Variants in MDFIC observed in about 807,000 individuals in gnomAD.
MDFIC encodes the protein MyoD family inhibitor domain containing.
In MDFIC, 17 loss-of-function variants were observed where a neutral mutation model predicts 23.2. That is an observed-to-expected ratio of 0.73 (90% confidence interval 0.50 to 1.10). The LOEUF is 1.10. Ranked by LOEUF, MDFIC falls within the 50% of genes least tolerant of loss-of-function variation. The pLI is 0.00. For missense variants in MDFIC, 356 were observed against 316.6 expected (o/e 1.12, Z -0.95); for synonymous variants, 120 against 115.2 (o/e 1.04, Z -0.27).
At chr7:114,998,105 A>G (rs181067532) in intron 4 of MDFIC, among the ~76,000 whole-genome samples, 1 of 152,238 alleles carries the variant, frequency 6.6e-6, no homozygotes, top group African/African-American at 2.4e-5. Context: ...TAATAGCACT[A>G]GACACTGCAT....
chr7:114,992,999 T>C (rs11772009), intron 4 of MDFIC, among the ~76,000 whole-genome samples: 12,025 of 152,246 alleles, frequency 0.079, 565 homozygotes, highest in South Asian at 0.15. Context: ...TTTTGGCTGG[T>C]AGGCTATTAA....
intron 4 of MDFIC, among the ~76,000 whole-genome samples, chr7:114,997,614 G>A (rs1197222253): frequency 1.3e-5 from 2 of 151,244 alleles, no homozygotes; most frequent in African/African-American, 2.4e-5. Context: ...GTGGTGCTGC[G>A]TGCCTGTGGT....
At chr7:114,972,348 G>A (rs1793221214) in intron 3 of MDFIC, among the ~76,000 whole-genome samples, 1 of 152,036 alleles carries the variant, frequency 6.6e-6, no homozygotes, top group African/African-American at 2.4e-5. Flanking sequence ...GATTGCCGGG[G>A]ACCGACCTGG....
intron 3 of MDFIC, among the ~76,000 whole-genome samples, chr7:114,976,096 A>C (rs1323712078): frequency 6.6e-6 from 1 of 152,158 alleles, no homozygotes; most frequent in Non-Finnish European, 1.5e-5. Flanking sequence ...GATAGCAGAA[A>C]AAGGTCAAAT....
intron 2 of MDFIC, chr7:114,933,792 T>C (rs1427723525): frequency 6.6e-6 from 1 of 152,240 alleles, no homozygotes; most frequent in African/African-American, 2.4e-5. Flanking sequence ...CTTTCTAATA[T>C]GGCACTGTCA....
At chr7:114,998,778 G>A (rs1585119466) in intron 4 of MDFIC, among the ~76,000 whole-genome samples, 1 of 152,130 alleles carries the variant, frequency 6.6e-6, no homozygotes, top group South Asian at 2.1e-4. Context: ...TGGCTGAATT[G>A]ACACCAAAAT....
chr7:115,010,606 G>A (rs780080376), intron 4 of MDFIC, among the ~76,000 whole-genome samples: 8 of 152,078 alleles, frequency 5.3e-5, no homozygotes, highest in Admixed American at 2.0e-4. Flanking sequence ...GGCTTCTCTA[G>A]ATGCCTGTTA....
Position 115,003,584 on chromosome 7 carries a change from A to G in MDFIC, c.494-12104A>G, listed in dbSNP as rs73447408. ...TGTCTGACCCCACTGGCACTATATTATCACTGCATGTCGTTCCTGCTTCCT... is the reference window on the plus strand; with the variant it reads ...TGTCTGACCCCACTGGCACTATATTGTCACTGCATGTCGTTCCTGCTTCCT... On this transcript the variant is annotated intron_variant, in intron 4 of 4. Transcript: ENST00000393486. Among the ~76,000 whole-genome samples the G allele has an allele frequency of 6.7e-3, 1,016 of 152,190 alleles. 13 individuals carry two copies. Among genetic ancestry groups the G allele is most frequent in the African/African-American group, 0.022 (931 of 41,522 alleles).
chr7:114,964,540 C>A (rs184464402), intron 3 of MDFIC, among the ~76,000 whole-genome samples: 2 of 149,954 alleles, frequency 1.3e-5, no homozygotes, highest in African/African-American at 2.5e-5. Context: ...CCTTCCCTTC[C>A]CTTCCCTTCC....
chr7:115,014,081 G>T, intron 4 of MDFIC: 7 of 985,376 alleles, frequency 7.1e-6, no homozygotes, highest in Non-Finnish European at 8.4e-6. Context: ...TCCCTTTTGA[G>T]TACTCTCTGA....
chr7:114,998,980 T>C (rs1791403251), intron 4 of MDFIC, among the ~76,000 whole-genome samples: 1 of 152,202 alleles, frequency 6.6e-6, no homozygotes, highest in African/African-American at 2.4e-5. Flanking sequence ...TTTGGTTATC[T>C]CATTTTGGTT....
intron 2 of MDFIC, among the ~76,000 whole-genome samples, chr7:114,935,894 C>G (rs1792415398): frequency 6.6e-6 from 1 of 152,106 alleles, no homozygotes. Flanking sequence ...TGAAAGGATA[C>G]TGCCCTCACC....
At chr7:114,926,792 T>G (rs1270657939) in intron 2 of MDFIC, among the ~76,000 whole-genome samples, 1 of 152,192 alleles carries the variant, frequency 6.6e-6, no homozygotes, top group Non-Finnish European at 1.5e-5. Flanking sequence ...GCTAATCAGA[T>G]TTTCTTTTTG....
intron 3 of MDFIC, among the ~76,000 whole-genome samples, chr7:114,965,099 G>A (rs1793071569): frequency 6.6e-6 from 1 of 152,192 alleles, no homozygotes; most frequent in Non-Finnish European, 1.5e-5. Flanking sequence ...AAGGCAGATA[G>A]TAGATGACAT....
intron 4 of MDFIC, among the ~76,000 whole-genome samples, chr7:115,007,628 G>GTATA (rs1237300160): frequency 1.2e-3 from 47 of 39,946 alleles, no homozygotes; most frequent in African/African-American, 2.7e-3. Flanking sequence ...GTGCGTGTGT[G>GTATA]TGTATATATA....
intron 4 of MDFIC, among the ~76,000 whole-genome samples, chr7:114,993,330 G>GT (rs915526105): frequency 1.0e-3 from 158 of 152,228 alleles, no homozygotes; most frequent in African/African-American, 3.7e-3. Context: ...TTTTTGAAGA[G>GT]TTTTTTGTGT....
At position 115,015,885 on chromosome 7, in the gene MDFIC, G is replaced by C. The variant is rs758007612; in HGVS notation, c.691G>C (p.Asp231His). ...GIMDACCESS[D>H]CLEICMECCG... is the part of the protein sequence containing the mutation. ...CATGGATGCCTGTTGTGAATCATCA[G>C]ACTGCTTGGAAATCTGTATGGAATG... The change falls in exon 5 of 5, where the codon GAC (aspartate) becomes CAC (histidine). Residue 231 changes from aspartate (D) to histidine (H), a missense_variant. Transcript: ENST00000393486. The C allele has an allele frequency of 4.3e-6, 7 of 1,614,040 alleles. No individual in the cohort carries two copies. In the Admixed American group the frequency reaches 1.2e-4, roughly 27 times the overall value.
At chr7:114,999,002 G>A (rs1365586109) in intron 4 of MDFIC, among the ~76,000 whole-genome samples, 1 of 152,032 alleles carries the variant, frequency 6.6e-6, no homozygotes, top group Non-Finnish European at 1.5e-5. Flanking sequence ...TTACTCCAAA[G>A]TACACCTTCC....
At chr7:115,009,134 G>A (rs142285654) in intron 4 of MDFIC, among the ~76,000 whole-genome samples, 2 of 152,326 alleles carry the variant, frequency 1.3e-5, no homozygotes, top group African/African-American at 4.8e-5. Flanking sequence ...TTCTCAGCAT[G>A]TAGTTTACAT....
Sources: allele counts gnomAD v4.1 joint callset (sites outside exome capture counted in the v4.1 genomes callset), GRCh38; gene constraint gnomAD v4.1.1; transcripts MANE v1.5; gene names NCBI Gene and HGNC (gene_info 2026-07-23, HGNC 2026-07-21).